PKHD1L1: variants seen among roughly 807,000 people sequenced by gnomAD.
The protein encoded by PKHD1L1 is PKHD1 like 1.
In PKHD1L1, 434 loss-of-function variants were observed where a neutral mutation model predicts 462.9. The observed-to-expected ratio is 0.94, with a 90% CI of 0.87 to 1.02. The LOEUF is 1.02. PKHD1L1 is among the 50% of genes least tolerant of loss of function. The pLI is 0.00. For missense variants in PKHD1L1, 5,202 were observed against 5,096.1 expected (o/e 1.02, Z -0.63); for synonymous variants, 1,781 against 1,750.0 (o/e 1.02, Z -0.44).
In PKHD1L1 at chr8:109,362,587, C is replaced by T. The variant is rs769564045; in HGVS notation, c.7C>T (p.His3Tyr). 13 of 1,608,452 alleles carry T rather than the reference C, an allele frequency of 8.1e-6. No individual in the cohort carries two copies. In the East Asian group the frequency reaches 2.9e-4, roughly 36 times the overall value. MG[H>Y]LWLLGIWGLC... ...CCGCAGAACTGGCTTTTCAATGGGA[C>T]ACCTGTGGCTCCTGGGTATTTGGGG... Residue 3 changes from histidine (H) to tyrosine (Y), a missense_variant, in exon 1 of 78, where the codon CAC becomes TAC. His to Tyr is a moderately conservative substitution (Grantham distance 83). Transcript: ENST00000378402.
intron 52 of PKHD1L1, 142 bp from the exon 53 acceptor site, chr8:109,477,083 A>G: frequency 1.4e-6 from 1 of 698,908 alleles, no homozygotes; most frequent in Non-Finnish European, 2.4e-6. Flanking sequence ...ACATTATCAG[A>G]ATTTCTCCAT....
At position 109,441,387 on chromosome 8, in the gene PKHD1L1, C is replaced by T; in HGVS notation, c.4204+8C>T. ...ACAATGGGAAAGATTCAGGTATCAG[C>T]CATTTATATACTATGAAATAATGGA... is the stretch of plus-strand genomic sequence containing the variant. On this transcript the variant is annotated splice_region_variant and intron_variant, in intron 34 of 77. Coordinates refer to ENST00000378402, the MANE Select transcript of PKHD1L1 (RefSeq NM_177531.6). The T allele has an allele frequency of 6.9e-7, 1 of 1,439,762 alleles. No individual in the cohort carries two copies. Among genetic ancestry groups the T allele is most frequent in the Non-Finnish European group, 9.6e-7 (1 of 1,040,080 alleles). The allele number at this position is 1,439,762 out of a possible 1,614,324, so 89.2% of individuals were successfully genotyped here.
At chr8:109,402,806 G>A (rs1212993858) in intron 14 of PKHD1L1, among the ~76,000 whole-genome samples, 1 of 152,130 alleles carries the variant, frequency 6.6e-6, no homozygotes, top group Non-Finnish European at 1.5e-5. Flanking sequence ...GACAAGGAGG[G>A]TTGGGATCAA....
chr8:109,459,854 C>T lies in PKHD1L1; in HGVS notation c.7246+18C>T, dbSNP rs370333349. The T allele has an allele frequency of 1.1e-5, 17 of 1,599,944 alleles. No homozygotes were observed. The Middle Eastern group carries it at 6.8e-4, about 64-fold the overall frequency. ...TGACACAGGTAATTTTAGCAGCTCT[C>T]GTGGTTGGTATAATCATGCCATATA... On this transcript the variant is annotated intron_variant, in intron 47 of 77. Coordinates refer to ENST00000378402, the MANE Select transcript of PKHD1L1 (RefSeq NM_177531.6).
At chr8:109,441,492 T>G (rs971103617) in intron 34 of PKHD1L1, 113 bp downstream of exon 34, 1 of 730,506 alleles carries the variant, frequency 1.4e-6, no homozygotes, top group East Asian at 3.0e-5. Flanking sequence ...TGTTATTTCT[T>G]TTATAATTTG....
chr8:109,440,179 C>T (rs7357526), intron 32 of PKHD1L1, among the ~76,000 whole-genome samples: 1 of 151,992 alleles, frequency 6.6e-6, no homozygotes, highest in African/African-American at 2.4e-5. Context: ...TTTTGATGGC[C>T]TCCTAGCAGA....
intron 50 of PKHD1L1, among the ~76,000 whole-genome samples, chr8:109,473,394 T>A (rs1325821749): frequency 6.6e-6 from 1 of 151,882 alleles, no homozygotes; most frequent in African/African-American, 2.4e-5. Context: ...CACATGCCTG[T>A]AATCCCAGCT....
chr8:109,364,633 G>A lies in PKHD1L1; in HGVS notation c.160G>A (p.Glu54Lys). Residue 54 changes from glutamate (E) to lysine (K), a missense_variant, in exon 2 of 78, where the codon GAA becomes AAA. By Grantham distance (56) the Glu-to-Lys change is moderately conservative. Coordinates refer to ENST00000378402, the MANE Select transcript of PKHD1L1 (RefSeq NM_177531.6). ...AGCAACAAGGCTGACTATAAGAGGGGAAGGTATCGTTGCTTTTTTTTTTTT... is the reference window on the plus strand; with the variant it reads ...AGCAACAAGGCTGACTATAAGAGGGAAAGGTATCGTTGCTTTTTTTTTTTT... ...NGATRLTIRG[E>K]GFSQANQFNY... 6.7e-7 allele frequency: 1 copy of A among 1,486,088 alleles called. No homozygotes were observed. The highest frequency in any genetic ancestry group is 9.1e-7 in the Non-Finnish European group (1 of 1,094,998). 92.1% of individuals were successfully genotyped at this position (1,486,088 alleles called of 1,614,324 possible). A position where few individuals can be genotyped will look rare whatever the true frequency, so the allele number is the denominator to read the frequency against.
At position 109,531,384 on chromosome 8, in the gene PKHD1L1, G is replaced by C. The variant is rs184374902; in HGVS notation, c.*1294G>C. On this transcript the variant is annotated 3_prime_UTR_variant, in exon 78 of 78. Coordinates refer to ENST00000378402, the MANE Select transcript of PKHD1L1 (RefSeq NM_177531.6). Reference sequence around the variant, plus strand: ...CCTCGAAGAGTTTTCAGGATATTTGGGGAAAGAATGGAAACAGACCATTTC... The same window carrying C: ...CCTCGAAGAGTTTTCAGGATATTTGCGGAAAGAATGGAAACAGACCATTTC... Among the ~76,000 whole-genome samples, 103 of 152,222 alleles carry C rather than the reference G, an allele frequency of 6.8e-4. No individual in the cohort carries two copies. Among genetic ancestry groups the C allele is most frequent in the African/African-American group, 2.0e-3 (85 of 41,518 alleles).
chr8:109,369,668 C>A (rs930495713), intron 2 of PKHD1L1, among the ~76,000 whole-genome samples: 2 of 151,736 alleles, frequency 1.3e-5, no homozygotes, highest in Non-Finnish European at 2.9e-5. Flanking sequence ...GGAACCACAC[C>A]ACAAGTAAAA....
chr8:109,508,345 T>C, intron 70 of PKHD1L1, 81 bp downstream of exon 70: 1 of 1,390,580 alleles, frequency 7.2e-7, no homozygotes, highest in South Asian at 1.4e-5. Context: ...CATAAATTAT[T>C]TACCCCACAC....
chr8:109,442,117 A>AT lies in PKHD1L1; in HGVS notation c.4321dup (p.Ser1441PhefsTer11), dbSNP rs769924081. On this transcript the variant is annotated frameshift_variant, in exon 35 of 78. Coordinates refer to ENST00000378402, the MANE Select transcript of PKHD1L1 (RefSeq NM_177531.6). LOFTEE classifies it high-confidence loss of function. ...GTTTCTTAGAGGGATAGGATATAGG[A>AT]TTTTTTCTGTCTCCAGTCCTGGAAG... 2 of 1,613,356 alleles carry AT rather than the reference A, an allele frequency of 1.2e-6. No individual in the cohort carries two copies. The highest frequency in any genetic ancestry group is 1.7e-5 in the Admixed American group (1 of 59,936).
Position 109,433,335 on chromosome 8 carries a change from A to G in PKHD1L1, c.3340+119A>G. On this transcript the variant is annotated intron_variant, in intron 28 of 77. Coordinates refer to ENST00000378402, the MANE Select transcript of PKHD1L1 (RefSeq NM_177531.6). The stretch of plus-strand genomic sequence containing the variant: ...ATTATCATGATCCAGTATTACAATT[A>G]TCATGATCCCTATGGGGTCATGAAA... 3.3e-6 allele frequency: 3 copies of G among 896,476 alleles called. No individual in the cohort carries two copies. In the South Asian group the frequency reaches 4.8e-5, roughly 14 times the overall value. 55.5% of individuals were successfully genotyped at this position (896,476 alleles called of 1,614,324 possible).
chr8:109,513,451 T>A (rs1820106383), intron 71 of PKHD1L1, among the ~76,000 whole-genome samples: 1 of 152,156 alleles, frequency 6.6e-6, no homozygotes, highest in South Asian at 2.1e-4. Context: ...TTATTTTTAA[T>A]ATCTTCAATA....
At position 109,425,108 on chromosome 8, in the gene PKHD1L1, C is replaced by T. The variant is rs529838342; in HGVS notation, c.2721C>T (p.Asn907=). 3.3e-5 allele frequency: 52 copies of T among 1,586,478 alleles called. No homozygotes were observed. The highest frequency in any genetic ancestry group is 1.7e-4 in the Middle Eastern group (1 of 5,978). Residue 907 remains asparagine, a synonymous_variant, in exon 24 of 78, where the codon AAC becomes AAT. Transcript: ENST00000378402. The stretch of plus-strand genomic sequence containing the variant: ...AGATAATCACACATGAGACAGAGAA[C>T]GAGTTTGTCTACAGAGGAAATAATT... ...FGQIITHETE[N]EFVYRGNNWP...
chr8:109,490,186 C>A, intron 60 of PKHD1L1, 131 bp downstream of exon 60: 1 of 600,868 alleles, frequency 1.7e-6, no homozygotes, highest in East Asian at 3.1e-5. Context: ...TTTCTTGGCC[C>A]ATTAACTTTT....
chr8:109,477,292 C>G lies in PKHD1L1; in HGVS notation c.8985C>G (p.Asp2995Glu). ...ISGNLDPDVK[D>E]VVINFQAYCC... ...GGAACCTGGATCCTGATGTGAAAGA[C>G]GTTGTTATTAATTTCCAAGCTTACT... Residue 2995 changes from aspartate to glutamate, a missense_variant, in exon 53 of 78, where the codon GAC (aspartate) becomes GAG (glutamate). Asp to Glu is a conservative substitution (Grantham distance 45). Transcript: ENST00000378402. 1 of 1,613,452 alleles carries G rather than the reference C, an allele frequency of 6.2e-7. No homozygotes were observed. The highest frequency in any genetic ancestry group is 8.5e-7 in the Non-Finnish European group (1 of 1,179,588).
intron 1 of PKHD1L1, among the ~76,000 whole-genome samples, chr8:109,364,137 A>G (rs1480373386): frequency 1.3e-5 from 2 of 152,070 alleles, no homozygotes; most frequent in Admixed American, 6.5e-5. Flanking sequence ...ACTACCTAGC[A>G]TTGCATTTCT....
Position 109,451,050 on chromosome 8 carries a change from C to T in PKHD1L1, c.6251C>T (p.Thr2084Met), listed in dbSNP as rs368941718. 264 of 1,613,826 alleles carry T rather than the reference C, an allele frequency of 1.6e-4. 3 individuals carry two copies. In the South Asian group the frequency reaches 2.4e-3, roughly 15 times the overall value. Reference protein sequence around the residue: ...KDLSQSMTPFTYAVSLTPLIT... With the variant: ...KDLSQSMTPFMYAVSLTPLIT... ...TTGTCACAGTCCATGACTCCGTTTA[C>T]GTACGCAGTGTCACTGACTCCACTC... The change falls in exon 41 of 78, where the codon ACG becomes ATG. Residue 2084 changes from threonine to methionine, a missense_variant. Around this residue, in one of 3 missense-constraint regions of PKHD1L1, gnomAD observed 4,497 missense variants for 4,336.8 expected, o/e 1.04. Coordinates refer to ENST00000378402, the MANE Select transcript of PKHD1L1 (RefSeq NM_177531.6).
Sources: gnomAD v4.1 joint callset for allele counts (sites outside exome capture counted in the v4.1 genomes callset) on GRCh38, gnomAD v4.1.1 for gene constraint, gnomAD v4.1.1 regional missense constraint, MANE v1.5 for transcripts, NCBI Gene and HGNC (gene_info 2026-07-23, HGNC 2026-07-21) for gene names.